PPEF1: variants seen among roughly 807,000 people sequenced by gnomAD.
PPEF1 encodes the protein protein phosphatase with EF-hand domain 1, also known as serine/threonine-protein phosphatase with EF-hands 1.
PPEF1 carries 12 observed loss-of-function variants against 53.3 expected under a neutral mutation model. The observed-to-expected ratio is 0.23, with a 90% confidence interval of 0.14 to 0.36. The LOEUF (loss-of-function observed/expected upper bound fraction) is 0.36. Ranked by LOEUF, PPEF1 falls within the 10% of genes least tolerant of loss-of-function variation. PPEF1 has a pLI of 1.00. For missense variants in PPEF1, 334 were observed against 490.4 expected (o/e 0.68, Z 3.01); for synonymous variants, 165 against 176.7 (o/e 0.93, Z 0.52).
chrX:18,715,002 G>A (rs1478101371), intron 1 of PPEF1, among the ~76,000 whole-genome samples: 2 of 111,885 alleles, frequency 1.8e-5, no homozygotes, highest in Non-Finnish European at 3.8e-5. Context: ...GAGTATCACG[G>A]CAGTTTGAGA....
At chrX:18,743,489 C>T (rs1602405335) in intron 3 of PPEF1, among the ~76,000 whole-genome samples, 2 of 81,243 alleles carry the variant, frequency 2.5e-5, no homozygotes, top group South Asian at 1.4e-3. Flanking sequence ...TTACTCTGTT[C>T]CCCAGGCTGG....
chrX:18,705,237 G>A (rs188966047), upstream of PPEF1, among the ~76,000 whole-genome samples: 2 of 111,634 alleles, frequency 1.8e-5, no homozygotes, highest in Admixed American at 1.9e-4. Flanking sequence ...AGTTATGATA[G>A]GTGAGTTTAC....
chrX:18,782,451 A>G lies in PPEF1; in HGVS notation c.762+49A>G, dbSNP rs777127146. On this transcript the variant is annotated intron_variant, in intron 8 of 15. Transcript: ENST00000470157. The stretch of plus-strand genomic sequence containing the variant: ...TTTTAGTATTCACTTTGCTGTTTCT[A>G]TAGAGAAATTTAAAAAGAGCCAAGA... The G allele has an allele frequency of 6.0e-6, 6 of 1,005,108 alleles. No homozygotes were observed. The East Asian group carries it at 9.7e-5, about 16-fold the overall frequency. The allele number at this position is 1,005,108 out of a possible 1,213,427, so 82.8% of individuals were successfully genotyped here.
intron 4 of PPEF1, among the ~76,000 whole-genome samples, chrX:18,693,850 G>A (rs890591420): frequency 2.7e-5 from 3 of 111,916 alleles, no homozygotes; most frequent in African/African-American, 9.7e-5. Context: ...TGGCAGGCGT[G>A]AGCCACCACG....
intron 3 of PPEF1, among the ~76,000 whole-genome samples, chrX:18,690,624 C>T (rs773308989): frequency 4.5e-5 from 5 of 112,327 alleles, no homozygotes; most frequent in African/African-American, 1.6e-4. Context: ...ATCTACCCGC[C>T]TTGGCCTCCC....
At chrX:18,683,104 T>A (rs903845685) in intron 1 of PPEF1, among the ~76,000 whole-genome samples, 1 of 111,605 alleles carries the variant, frequency 9.0e-6, no homozygotes, top group African/African-American at 3.3e-5. Context: ...ACCTGCCCCA[T>A]GATTCGATTG....
intron 1 of PPEF1, among the ~76,000 whole-genome samples, chrX:18,725,998 GGGA>G (rs1281238576): frequency 3.6e-5 from 4 of 111,290 alleles, no homozygotes; most frequent in Non-Finnish European, 7.5e-5. Context: ...CTCCGCATCA[GGGA>G]GGAGAAGTGG....
chrX:18,702,259 C>CG, intron 6 of PPEF1, among the ~76,000 whole-genome samples: 1 of 110,412 alleles, frequency 9.1e-6, no homozygotes, highest in Non-Finnish European at 1.9e-5. Context: ...GCACAATCTA[C>CG]GGGGGAAGAA....
At chrX:18,756,244 A>G (rs1041636894) in intron 4 of PPEF1, among the ~76,000 whole-genome samples, 24 of 110,666 alleles carry the variant, frequency 2.2e-4, no homozygotes, top group African/African-American at 7.6e-4. Context: ...CAATGGCGCA[A>G]TCTTGGCTCA....
Position 18,743,426 on chromosome X carries a change from CTTTTCTT to C in PPEF1, c.236-6359_236-6353del, listed in dbSNP as rs1348176935. ...AGCAGTCAAGTTGCTCACTTTTTTT[CTTTTCTT>C]TTTTCTCTTTTTCTTTTTTTTTTTT... On this transcript the variant is annotated intron_variant, in intron 3 of 15. Transcript: ENST00000470157. 3.2e-5 allele frequency among the ~76,000 whole-genome samples: 3 copies of C among 92,468 alleles called. No homozygotes were observed. In the Admixed American group the frequency reaches 3.6e-4, roughly 11 times the overall value. 80.3% of individuals were successfully genotyped at this position (92,468 alleles called of 115,157 possible). A position where few individuals can be genotyped will look rare whatever the true frequency, so the allele number is the denominator to read the frequency against.
intron 1 of PPEF1, among the ~76,000 whole-genome samples, chrX:18,720,446 G>T (rs1226526100): frequency 9.0e-6 from 1 of 110,611 alleles, no homozygotes; most frequent in African/African-American, 3.3e-5. Flanking sequence ...ACAAAAATTA[G>T]CTGGGCATGG....
intron 12 of PPEF1, 41 bp from the exon 13 acceptor site, chrX:18,817,998 T>C: frequency 1.0e-6 from 1 of 966,740 alleles, no homozygotes; most frequent in Non-Finnish European, 1.4e-6. Context: ...CACAACAGGA[T>C]GATTTATGTT....
intron 6 of PPEF1, among the ~76,000 whole-genome samples, chrX:18,763,067 T>C (rs1186664369): frequency 1.8e-5 from 2 of 112,130 alleles, no homozygotes; most frequent in African/African-American, 6.5e-5. Flanking sequence ...AAGCTATATG[T>C]CTACGTGTAA....
upstream of PPEF1, among the ~76,000 whole-genome samples, chrX:18,678,169 G>A (rs868429260): frequency 5.2e-5 from 5 of 96,845 alleles, no homozygotes; most frequent in Admixed American, 1.2e-4. Flanking sequence ...GATGGCTCAC[G>A]CTTATAATCC....
At chrX:18,782,234 C>T (rs1018921363) in intron 7 of PPEF1, 132 bp from the exon 8 acceptor site, 10 of 530,350 alleles carry the variant, frequency 1.9e-5, no homozygotes, top group South Asian at 2.9e-5. Flanking sequence ...AGGTAAGTAA[C>T]ACTTCCAACT....
At position 18,759,766 on chromosome X, in the gene PPEF1, T is replaced by G. The variant is rs180909961; in HGVS notation, c.512-1764T>G. Among the ~76,000 whole-genome samples, 7 of 112,029 alleles carry G rather than the reference T, an allele frequency of 6.2e-5. No homozygotes were observed. In the East Asian group the frequency reaches 1.9e-3, roughly 31 times the overall value. On this transcript the variant is annotated intron_variant, in intron 5 of 15. Transcript: ENST00000470157. ...AGTGCTGGTGATATAGAATTTCTAT[T>G]TTATTATTTCCAGTATATTTGGAGT...
At chrX:18,813,378 C>CA (rs953412612) in intron 12 of PPEF1, among the ~76,000 whole-genome samples, 2,912 of 30,167 alleles carry the variant, frequency 0.097, 158 homozygotes, top group African/African-American at 0.19. Flanking sequence ...GACTCCGTCT[C>CA]AAAAAAAAAA....
chrX:18,779,541 C>T (rs1455224055), intron 7 of PPEF1, among the ~76,000 whole-genome samples: 1 of 112,124 alleles, frequency 8.9e-6, no homozygotes, highest in African/African-American at 3.2e-5. Context: ...TCTGTTGCTA[C>T]TCTTGGCTTG....
chrX:18,729,200 G>A (rs1014598422), intron 1 of PPEF1, among the ~76,000 whole-genome samples: 2 of 111,748 alleles, frequency 1.8e-5, no homozygotes, highest in Admixed American at 9.5e-5. Context: ...TGAGGGAGGG[G>A]GTGTGTTTCT....
Sources: gnomAD v4.1 joint callset for allele counts (sites outside exome capture counted in the v4.1 genomes callset) on GRCh38, gnomAD v4.1.1 for gene constraint, MANE v1.5 for transcripts, NCBI Gene and HGNC (gene_info 2026-07-23, HGNC 2026-07-21) for gene names.